Variants in ZNF69 observed in about 807,000 individuals in gnomAD.
The protein encoded by ZNF69 is zinc finger protein 69.
In ZNF69, 47 loss-of-function variants were observed where a neutral mutation model predicts 50.9. That is an observed-to-expected ratio of 0.92 (90% CI 0.73 to 1.18). ZNF69 has a LOEUF of 1.18. Among genes scored for constraint, ZNF69 ranks in the 50% most tolerant of loss-of-function variants. ZNF69 has a pLI of 0.00. For synonymous variants in ZNF69, 216 were observed against 223.1 expected (o/e 0.97, Z 0.29); for missense variants, 717 against 675.1 (o/e 1.06, Z -0.69).
At chr19:11,917,942 C>T (rs1171429783), downstream of ZNF69, among the ~76,000 whole-genome samples, 1 of 152,082 alleles carries the variant, frequency 6.6e-6, no homozygotes, top group Admixed American at 6.6e-5. Flanking sequence ...CACCTGCAAC[C>T]ACACTCAGCT....
the ZNF69 span, among the ~76,000 whole-genome samples, chr19:11,932,419 G>C: frequency 6.1e-5 from 9 of 148,274 alleles, 1 homozygote; most frequent in African/African-American, 2.4e-4. Context: ...AATTCACTGA[G>C]ATTTATTTCT....
At chr19:11,919,488 G>T in the ZNF69 span, among the ~76,000 whole-genome samples, 2 of 152,060 alleles carry the variant, frequency 1.3e-5, no homozygotes, top group Non-Finnish European at 2.9e-5. Flanking sequence ...GCCAGGTGTG[G>T]TGGCTCACTC....
At chr19:11,947,558 C>T in the ZNF69 span, 2 of 1,613,208 alleles carry the variant, frequency 1.2e-6, no homozygotes, top group Non-Finnish European at 1.7e-6. Context: ...GTACCAAAAC[C>T]CCAGAAGAAG....
the ZNF69 span, among the ~76,000 whole-genome samples, chr19:11,922,815 G>T: frequency 8.1e-5 from 12 of 147,900 alleles, no homozygotes; most frequent in South Asian, 2.1e-4. Context: ...CTTTTTATGG[G>T]TTTTTTTGTT....
At chr19:11,954,842 A>G in the ZNF69 span, among the ~76,000 whole-genome samples, 3 of 152,056 alleles carry the variant, frequency 2.0e-5, no homozygotes, top group East Asian at 3.9e-4. Flanking sequence ...AACAAAAAAA[A>G]TTGTTCACTT....
At chr19:11,941,635 C>T in the ZNF69 span, among the ~76,000 whole-genome samples, 2 of 152,206 alleles carry the variant, frequency 1.3e-5, no homozygotes, top group East Asian at 1.9e-4. Flanking sequence ...CCAGCTGGCC[C>T]GCAAGCGCCG....
At chr19:11,921,082 A>T in the ZNF69 span, among the ~76,000 whole-genome samples, 1 of 152,132 alleles carries the variant, frequency 6.6e-6, no homozygotes, top group Non-Finnish European at 1.5e-5. Context: ...CCTTTCTAAT[A>T]AGTCTATATA....
the ZNF69 span, chr19:11,949,703 G>T: frequency 2.5e-6 from 4 of 1,613,980 alleles, no homozygotes; most frequent in Non-Finnish European, 3.4e-6. Context: ...ACTCACACTG[G>T]AGAGAAACCC....
the ZNF69 span, chr19:11,950,541 C>A: frequency 1.7e-6 from 1 of 595,488 alleles, no homozygotes; most frequent in Non-Finnish European, 3.2e-6. Context: ...TGAATGTAAG[C>A]AATGTGGGAA....
chr19:11,887,854 T>G lies in ZNF69; in HGVS notation c.-70T>G. On this transcript the variant is annotated 5_prime_UTR_variant, in exon 1 of 4. Transcript: ENST00000429654. ...GTCCCTGCGCGGGCTGCGGCTGGGA[T>G]CCGGTCTTTCCAGCCCCGAGAGGGA... 6.9e-7 allele frequency: 1 copy of G among 1,442,478 alleles called. No homozygotes were observed. The highest frequency in any genetic ancestry group is 9.6e-7 in the Non-Finnish European group (1 of 1,037,038). 89.4% of individuals were successfully genotyped at this position (1,442,478 alleles called of 1,614,324 possible). A position where few individuals can be genotyped will look rare whatever the true frequency, so the allele number is the denominator to read the frequency against.
chr19:11,894,141 G>A (rs1338728658), intron 1 of ZNF69, among the ~76,000 whole-genome samples: 4 of 152,122 alleles, frequency 2.6e-5, no homozygotes, highest in African/African-American at 9.7e-5. Flanking sequence ...AAATTTGTAT[G>A]CATCTCCTCC....
chr19:11,914,728 G>A (rs184646361), downstream of ZNF69, among the ~76,000 whole-genome samples: 8 of 152,254 alleles, frequency 5.3e-5, no homozygotes, highest in Admixed American at 3.9e-4. Context: ...CTTCAGAAAC[G>A]CTTATTTAAA....
At chr19:11,978,574 T>A in the ZNF69 span, 3 of 1,614,190 alleles carry the variant, frequency 1.9e-6, no homozygotes, top group Admixed American at 5.0e-5. Flanking sequence ...TTATATCTTA[T>A]CCATGAAAGA....
intron 1 of ZNF69, among the ~76,000 whole-genome samples, chr19:11,900,160 T>G (rs546368077): frequency 6.6e-6 from 1 of 151,930 alleles, no homozygotes; most frequent in Non-Finnish European, 1.5e-5. Context: ...CACCATGTTG[T>G]CCAGGCTGGT....
the ZNF69 span, chr19:11,976,965 C>T: frequency 6.3e-7 from 1 of 1,585,946 alleles, no homozygotes; most frequent in Non-Finnish European, 8.5e-7. Context: ...ACGGCAACTT[C>T]TTGGGAATAG....
chr19:11,917,635 A>ATTTATTTGTTTGTTTG (rs1555699026), downstream of ZNF69, among the ~76,000 whole-genome samples: 31 of 151,202 alleles, frequency 2.1e-4, no homozygotes, highest in African/African-American at 6.6e-4. Flanking sequence ...GAATTTATTT[A>ATTTATTTGTTTGTTTG]TTTGTTTGTT....
the ZNF69 span, among the ~76,000 whole-genome samples, chr19:11,965,604 AATT>A: frequency 0.13 from 19,175 of 152,244 alleles, 2,228 homozygotes; most frequent in African/African-American, 0.31. Context: ...TCCTGTTAAA[AATT>A]AAACTGAAGT....
chr19:11,940,493 C>T, the ZNF69 span, among the ~76,000 whole-genome samples: 3 of 151,666 alleles, frequency 2.0e-5, no homozygotes, highest in South Asian at 2.1e-4. Context: ...TAAGGCAGCG[C>T]GTCTGGAGTT....
At chr19:11,968,460 T>G in the ZNF69 span, among the ~76,000 whole-genome samples, 2 of 152,164 alleles carry the variant, frequency 1.3e-5, no homozygotes, top group South Asian at 4.1e-4. Context: ...CAGGCTGGTC[T>G]CTTGCTCCTG....
Sources: allele counts gnomAD v4.1 joint callset (sites outside exome capture counted in the v4.1 genomes callset), GRCh38; gene constraint gnomAD v4.1.1; transcripts MANE v1.5; gene names NCBI Gene and HGNC (gene_info 2026-07-23, HGNC 2026-07-21).